Variants in NKTR observed in about 807,000 individuals in gnomAD.
NKTR encodes the protein natural killer cell triggering receptor.
NKTR carries 67 observed loss-of-function variants against 156.3 expected under a neutral mutation model. The ratio of observed to expected loss-of-function variants is 0.43; its 90% CI spans 0.35 to 0.53. The LOEUF is 0.53. Ranked by LOEUF, NKTR falls within the 20% of genes least tolerant of loss-of-function variation. The pLI is 0.01. For synonymous variants in NKTR, 640 were observed against 596.6 expected (o/e 1.07, Z -1.06); for missense variants, 1,604 against 1,730.9 (o/e 0.93, Z 1.30).
chr3:42,606,897 G>A (rs1276910192), intron 2 of NKTR, among the ~76,000 whole-genome samples: 6 of 151,908 alleles, frequency 3.9e-5, no homozygotes, highest in East Asian at 1.9e-4. Flanking sequence ...GTATCACTGC[G>A]TTGCTCATGC....
At chr3:42,602,549 G>C (rs1463921228) in intron 2 of NKTR, 1 of 151,974 alleles carries the variant, frequency 6.6e-6, no homozygotes, top group Admixed American at 6.6e-5. Flanking sequence ...ATATTAAAGG[G>C]TTTCGAGCAA....
Position 42,600,853 on chromosome 3 carries a change from G to A in NKTR, c.-24+75G>A, listed in dbSNP as rs578163950. ...CGGGGCGGGAGGGGGCCTCGTCTTG[G>A]CCTCCTGCGCTGTCGCGACGGGCCG... On this transcript the variant is annotated intron_variant, in intron 1 of 16. Transcript: ENST00000232978. 1.1e-3 allele frequency: 565 copies of A among 499,590 alleles called. 1 individual carries two copies. Among genetic ancestry groups the A allele is most frequent in the African/African-American group, 0.01 (516 of 49,684 alleles). The allele number at this position is 499,590 out of a possible 1,614,324, so 30.9% of individuals were successfully genotyped here. A position where few individuals can be genotyped will look rare whatever the true frequency, so the allele number is the denominator to read the frequency against.
At position 42,647,384 on chromosome 3, in the gene NKTR, G is replaced by A. The variant is rs1349992921; in HGVS notation, c.*1409G>A. On this transcript the variant is annotated 3_prime_UTR_variant, in exon 17 of 17. Transcript: ENST00000232978. The stretch of plus-strand genomic sequence containing the variant: ...AGTGCCAGTTTAATCCAGTTATGCA[G>A]AAGAAATTCATATTGGTTGCCTGAT... 1 of 150,710 alleles carries A rather than the reference G, an allele frequency of 6.6e-6. No individual in the cohort carries two copies. Among genetic ancestry groups the A allele is most frequent in the African/African-American group, 2.4e-5 (1 of 40,924 alleles). 9.3% of individuals were successfully genotyped at this position (150,710 alleles called of 1,614,324 possible).
In NKTR at chr3:42,620,461, T is replaced by C. The variant is rs562438293; in HGVS notation, c.286+753T>C. The C allele has an allele frequency of 3.0e-6, 3 of 990,304 alleles. No homozygotes were observed. The African/African-American group carries it at 5.2e-5, about 17-fold the overall frequency. The allele number at this position is 990,304 out of a possible 1,614,324, so 61.3% of individuals were successfully genotyped here. ...TGCAGAGATTTGTAATGAAATCTAATATTACTAGGTTTTAACGCTATAATA... is the reference window on the plus strand; with the variant it reads ...TGCAGAGATTTGTAATGAAATCTAACATTACTAGGTTTTAACGCTATAATA... On this transcript the variant is annotated intron_variant, in intron 5 of 16. Coordinates refer to ENST00000232978, the MANE Select transcript of NKTR (RefSeq NM_005385.4).
chr3:42,617,943 G>A (rs1477317948), intron 3 of NKTR, among the ~76,000 whole-genome samples: 1 of 151,912 alleles, frequency 6.6e-6, no homozygotes, highest in Non-Finnish European at 1.5e-5. Context: ...AACTGATTTG[G>A]TAGAATTTTA....
intron 6 of NKTR, among the ~76,000 whole-genome samples, chr3:42,621,959 C>CT (rs907767836): frequency 9.9e-5 from 15 of 152,044 alleles, no homozygotes; most frequent in African/African-American, 3.6e-4. Context: ...TACTGTTGCT[C>CT]TTTGAGGCAA....
At chr3:42,610,843 A>G (rs1427504494) in intron 2 of NKTR, among the ~76,000 whole-genome samples, 1 of 152,178 alleles carries the variant, frequency 6.6e-6, no homozygotes, top group Admixed American at 6.5e-5. Context: ...TGTTACTTGA[A>G]GATTAGAAGT....
Position 42,645,943 on chromosome 3 carries a change from C to A in NKTR, c.4357C>A (p.Arg1453=). The A allele has an allele frequency of 6.2e-7, 1 of 1,613,296 alleles. No individual in the cohort carries two copies. Among genetic ancestry groups the A allele is most frequent in the Non-Finnish European group, 8.5e-7 (1 of 1,179,444 alleles). ...SESDRSYSHH[R]SPSESSRYS ...AAGTGACCGAAGTTACTCTCATCAC[C>A]GGAGCCCCAGTGAGAGCAGCAGATA... is the stretch of plus-strand genomic sequence containing the variant. Residue 1453 remains arginine (R), a synonymous_variant, in exon 17 of 17, where the codon CGG becomes AGG. Transcript: ENST00000232978.
chr3:42,614,319 G>T (rs1308175440), intron 2 of NKTR, among the ~76,000 whole-genome samples: 1 of 151,882 alleles, frequency 6.6e-6, no homozygotes, highest in Non-Finnish European at 1.5e-5. Context: ...TTCCAAGTCT[G>T]TCCTTTATTG....
rs71072726 is a variant in NKTR, at chr3:42,604,659, C to CTTTTTTTTT, written c.58+3626_58+3634dup. On this transcript the variant is annotated intron_variant, in intron 2 of 16. Transcript: ENST00000232978. ...AATTGTGGATTTATCTATTTCTCTC[C>CTTTTTTTTT]TTTTTTTTTTTTTTTTTTTTTTTTT... Among the ~76,000 whole-genome samples, 59 of 45,294 alleles carry CTTTTTTTTT rather than the reference C, an allele frequency of 1.3e-3. 15 individuals carry two copies. The highest frequency in any genetic ancestry group is 1.6e-3 in the Non-Finnish European group (41 of 25,130). The allele number at this position is 45,294 out of a possible 152,430, so 29.7% of individuals were successfully genotyped here.
chr3:42,628,447 T>C (rs1022148710), intron 6 of NKTR: 1 of 985,256 alleles, frequency 1.0e-6, no homozygotes, highest in African/African-American at 1.7e-5. Flanking sequence ...CTCTGGAATG[T>C]TTTATTCCAC....
At chr3:42,626,957 A>G (rs964273646) in intron 6 of NKTR, among the ~76,000 whole-genome samples, 1 of 152,150 alleles carries the variant, frequency 6.6e-6, no homozygotes, top group African/African-American at 2.4e-5. Flanking sequence ...CTATGTTACA[A>G]TATTAAGGAT....
chr3:42,644,170 G>A (rs1170726262), intron 16 of NKTR, among the ~76,000 whole-genome samples, 167 bp downstream of exon 16: 1 of 152,276 alleles, frequency 6.6e-6, no homozygotes, highest in East Asian at 1.9e-4. Flanking sequence ...ACTAAAAGTG[G>A]CTTTTATATT....
intron 2 of NKTR, chr3:42,601,354 C>T: frequency 3.5e-6 from 1 of 285,174 alleles, no homozygotes; most frequent in Non-Finnish European, 6.6e-6. Context: ...TCTTTGAGGA[C>T]TTTTTCTCTC....
At chr3:42,643,267 T>G in intron 14 of NKTR, 72 bp from the exon 15 acceptor site, 1 of 1,182,066 alleles carries the variant, frequency 8.5e-7, no homozygotes. Context: ...GGCAAATAAA[T>G]GTCTAGATAT....
chr3:42,642,508 A>G lies in NKTR; in HGVS notation c.4054A>G (p.Ser1352Gly), dbSNP rs1204479735. Residue 1352 changes from serine (S) to glycine (G), a missense_variant, in exon 14 of 17, where the codon AGC (serine) becomes GGC (glycine). Around this residue, in one of 6 missense-constraint regions of NKTR, gnomAD observed 193 missense variants for 220.2 expected, o/e 0.88. Coordinates refer to ENST00000232978, the MANE Select transcript of NKTR (RefSeq NM_005385.4). ...RSSTSSYRSR[S>G]YSRSRSRGWY... ...CAATTGCTTTAATTGTAGATCAAGA[A>G]GCTACTCTAGAAGTCGGAGCAGAGG... 2.2e-5 allele frequency: 35 copies of G among 1,611,610 alleles called. No individual in the cohort carries two copies. The highest frequency in any genetic ancestry group is 2.9e-5 in the Non-Finnish European group (34 of 1,177,818).
At chr3:42,630,661 G>T (rs528919176) in intron 7 of NKTR, 86 bp downstream of exon 7, 1 of 1,591,698 alleles carries the variant, frequency 6.3e-7, no homozygotes, top group South Asian at 1.1e-5. Flanking sequence ...GCCCTCAAGG[G>T]AGCGCTCTTG....
chr3:42,620,187 C>A, intron 5 of NKTR: 1 of 1,303,384 alleles, frequency 7.7e-7, no homozygotes, highest in Non-Finnish European at 9.7e-7. Context: ...TTATTTCATA[C>A]ATGCTTCTGT....
intron 6 of NKTR, chr3:42,627,330 C>G: frequency 1.0e-6 from 1 of 983,702 alleles, no homozygotes; most frequent in Non-Finnish European, 1.2e-6. Context: ...AAACTTTCTG[C>G]TTTATCTGTA....
Sources: gnomAD v4.1 joint callset for allele counts (sites outside exome capture counted in the v4.1 genomes callset) on GRCh38, gnomAD v4.1.1 for gene constraint, gnomAD v4.1.1 regional missense constraint, MANE v1.5 for transcripts, NCBI Gene and HGNC (gene_info 2026-07-23, HGNC 2026-07-21) for gene names.